Variants in LRCH1 observed in about 807,000 individuals in gnomAD.
The protein encoded by LRCH1 is leucine-rich repeat and calponin homology domain-containing protein 1.
Under a neutral mutation model 94.9 loss-of-function variants are expected in LRCH1, and 23 were observed. That is an observed-to-expected ratio of 0.24 (90% CI 0.17 to 0.34). The LOEUF (loss-of-function observed/expected upper bound fraction) is 0.34, where lower values mean the gene tolerates loss of function less well. Among genes scored for constraint, LRCH1 ranks in the 10% least tolerant of loss-of-function variants. The probability of loss-of-function intolerance (pLI) is 1.00; values close to 1 mark genes in which losing one functional copy is unlikely to be tolerated. For synonymous variants in LRCH1, 364 were observed against 354.9 expected (o/e 1.03, Z -0.29); for missense variants, 790 against 945.9 (o/e 0.84, Z 2.16).
At position 46,723,214 on chromosome 13, in the gene LRCH1, A is replaced by G. The variant is rs1198239232; in HGVS notation, c.1760-7A>G. The G allele has an allele frequency of 6.4e-7, 1 of 1,563,554 alleles. No homozygotes were observed. The highest frequency in any genetic ancestry group is 8.8e-7 in the Non-Finnish European group (1 of 1,136,630). ...TATAAAGGCTTTTTTTCCCCTTTGT[A>G]TTGTAGTGTTTCTAAGACCTCAGAG... On this transcript the variant is annotated splice_polypyrimidine_tract_variant and splice_region_variant and intron_variant, in intron 16 of 19. Coordinates refer to ENST00000389797, the MANE Select transcript of LRCH1 (RefSeq NM_001164211.2).
At chr13:46,658,922 A>T (rs1182372249) in intron 2 of LRCH1, among the ~76,000 whole-genome samples, 1 of 152,238 alleles carries the variant, frequency 6.6e-6, no homozygotes, top group East Asian at 1.9e-4. Flanking sequence ...TTTTGTAAAT[A>T]TTCCACATAC....
At chr13:46,608,408 A>G (rs998654688) in intron 1 of LRCH1, among the ~76,000 whole-genome samples, 1 of 152,164 alleles carries the variant, frequency 6.6e-6, no homozygotes, top group African/African-American at 2.4e-5. Context: ...ATTGACTTGT[A>G]TTTCCACTCA....
At chr13:46,581,402 G>A (rs892222155) in intron 1 of LRCH1, among the ~76,000 whole-genome samples, 5 of 152,160 alleles carry the variant, frequency 3.3e-5, no homozygotes, top group East Asian at 1.9e-4. Flanking sequence ...AGAACTGATA[G>A]GTGGAATAAA....
rs139466539 is a variant in LRCH1, at chr13:46,658,278, T to C, written c.452+7933T>C. Among the ~76,000 whole-genome samples the C allele has an allele frequency of 3.9e-5, 6 of 152,340 alleles. No individual in the cohort carries two copies. The East Asian group carries it at 1.2e-3, about 29-fold the overall frequency. On this transcript the variant is annotated intron_variant, in intron 2 of 19. Transcript: ENST00000389797. Reference sequence around the variant, plus strand: ...GTGTTTTAATAACTTTTTTTTAACTTAGCTTTTGATTTTGGATATTTTGCT... The same window carrying C: ...GTGTTTTAATAACTTTTTTTTAACTCAGCTTTTGATTTTGGATATTTTGCT...
chr13:46,625,534 G>C (rs544038501), intron 1 of LRCH1, among the ~76,000 whole-genome samples: 1 of 152,060 alleles, frequency 6.6e-6, no homozygotes, highest in African/African-American at 2.4e-5. Context: ...GCAGAAAGTG[G>C]GGTCCTCACC....
intron 19 of LRCH1, among the ~76,000 whole-genome samples, chr13:46,738,969 T>G (rs1873523156): frequency 6.6e-6 from 1 of 152,248 alleles, no homozygotes. Flanking sequence ...CATCGCTGAA[T>G]TATGGCTTTA....
At chr13:46,700,993 T>C (rs931534618) in intron 10 of LRCH1, 128 bp from the exon 11 acceptor site, 3 of 656,620 alleles carry the variant, frequency 4.6e-6, no homozygotes, top group Admixed American at 4.9e-5. Flanking sequence ...ATTTTCACCA[T>C]AACACTGAAT....
chr13:46,592,516 A>G (rs1017836597), intron 1 of LRCH1, among the ~76,000 whole-genome samples: 2 of 152,164 alleles, frequency 1.3e-5, no homozygotes, highest in South Asian at 4.1e-4. Context: ...CTGGTTCTCT[A>G]TGGCCATTAT....
At chr13:46,669,365 G>A (rs1042432784) in intron 3 of LRCH1, among the ~76,000 whole-genome samples, 5 of 152,188 alleles carry the variant, frequency 3.3e-5, no homozygotes, top group Non-Finnish European at 7.3e-5. Flanking sequence ...AAGGCTTCCT[G>A]TAATTTACAG....
chr13:46,623,202 A>G (rs535380951), intron 1 of LRCH1, among the ~76,000 whole-genome samples: 1 of 152,204 alleles, frequency 6.6e-6, no homozygotes, highest in Non-Finnish European at 1.5e-5. Context: ...GTTTAGTGCA[A>G]TCCTGCCTCA....
intron 1 of LRCH1, among the ~76,000 whole-genome samples, chr13:46,598,149 C>A (rs967907751): frequency 4.6e-5 from 7 of 152,118 alleles, no homozygotes; most frequent in Admixed American, 1.3e-4. Flanking sequence ...GTCAAGGTGG[C>A]GGGCACCCAA....
At chr13:46,639,294 T>C (rs2051130768) in intron 1 of LRCH1, among the ~76,000 whole-genome samples, 1 of 152,216 alleles carries the variant, frequency 6.6e-6, no homozygotes, top group African/African-American at 2.4e-5. Flanking sequence ...GATCCCAGTG[T>C]AGTAATGTAA....
chr13:46,622,446 C>T (rs2050891799), intron 1 of LRCH1, among the ~76,000 whole-genome samples: 1 of 152,164 alleles, frequency 6.6e-6, no homozygotes, highest in Non-Finnish European at 1.5e-5. Flanking sequence ...CCTGTAGAAG[C>T]TCATTAAAAA....
intron 15 of LRCH1, among the ~76,000 whole-genome samples, chr13:46,715,226 A>G (rs1431595864): frequency 6.6e-6 from 1 of 152,230 alleles, no homozygotes; most frequent in African/African-American, 2.4e-5. Flanking sequence ...CTTTTTATCT[A>G]CCTAACCTAT....
At chr13:46,603,001 T>TACATACAC (rs2050647210) in intron 1 of LRCH1, among the ~76,000 whole-genome samples, 1 of 151,770 alleles carries the variant, frequency 6.6e-6, no homozygotes, top group Non-Finnish European at 1.5e-5. Flanking sequence ...CATACATACA[T>TACATACAC]ACATGTAAAT....
intron 2 of LRCH1, among the ~76,000 whole-genome samples, chr13:46,652,220 GCGCCCGCCACCA>G (rs2051314805): frequency 6.6e-6 from 1 of 152,064 alleles, no homozygotes; most frequent in Admixed American, 6.5e-5. Context: ...GGGACTACAG[GCGCCCGCCACCA>G]CGCCCGGCTA....
At chr13:46,650,126 A>C (rs903263297) in intron 1 of LRCH1, 75 bp from the exon 2 acceptor site, 3 of 1,005,610 alleles carry the variant, frequency 3.0e-6, no homozygotes, top group Non-Finnish European at 4.4e-6. Flanking sequence ...TAAGAAAAAC[A>C]GTGTTTGTGG....
chr13:46,573,867 T>TATATATATATATATATATATATATATATA (rs1555269135), intron 1 of LRCH1, among the ~76,000 whole-genome samples: 1 of 53,054 alleles, frequency 1.9e-5, no homozygotes, highest in Non-Finnish European at 3.4e-5. Context: ...TATATATATA[T>TATATATATATATATATATATATATATATA]TTTTTTTTTT....
At chr13:46,726,145 A>G (rs1223275879) in intron 17 of LRCH1, among the ~76,000 whole-genome samples, 1 of 152,174 alleles carries the variant, frequency 6.6e-6, no homozygotes, top group Non-Finnish European at 1.5e-5. Context: ...AGCTCTAGTT[A>G]AGGTTTGAAA....
Sources: allele counts gnomAD v4.1 joint callset (sites outside exome capture counted in the v4.1 genomes callset), GRCh38; gene constraint gnomAD v4.1.1; transcripts MANE v1.5; gene names NCBI Gene and HGNC (gene_info 2026-07-23, HGNC 2026-07-21).